The following ABL2 variants were observed in gnomAD, a reference collection of about 807,000 sequenced individuals.
ABL2 encodes the protein tyrosine-protein kinase ABL2.
A neutral mutation model predicts 107.7 loss-of-function variants in ABL2; 49 were observed. That is an observed-to-expected ratio of 0.45 (90% CI 0.36 to 0.58). The LOEUF (loss-of-function observed/expected upper bound fraction) is 0.58. Among genes scored for constraint, ABL2 ranks in the 20% least tolerant of loss-of-function variants. The pLI is 0.00. For synonymous variants in ABL2, 549 were observed against 548.6 expected (o/e 1.00, Z -0.01); for missense variants, 1,245 against 1,457.0 (o/e 0.85, Z 2.37).
At chr1:179,136,696 G>GA (rs1657027166) in intron 1 of ABL2, among the ~76,000 whole-genome samples, 1 of 111,552 alleles carries the variant, frequency 9.0e-6, no homozygotes, top group African/African-American at 2.9e-5. Flanking sequence ...AAACACCCAA[G>GA]AATGATCAAT....
intron 1 of ABL2, chr1:179,220,948 C>G (rs1646223807): frequency 5.3e-6 from 1 of 188,304 alleles, no homozygotes; most frequent in Admixed American, 5.5e-5. Flanking sequence ...CTCAGCCTTC[C>G]CCACTACAAT....
chr1:179,222,596 G>T (rs1412158260), intron 1 of ABL2, among the ~76,000 whole-genome samples: 2 of 151,896 alleles, frequency 1.3e-5, no homozygotes, highest in Non-Finnish European at 2.9e-5. Context: ...TCACCATGTT[G>T]GCCAGGATGG....
intron 1 of ABL2, among the ~76,000 whole-genome samples, chr1:179,172,342 G>A (rs115971838): frequency 1.6e-3 from 250 of 152,162 alleles, no homozygotes; most frequent in African/African-American, 5.3e-3. Flanking sequence ...ATACACATAC[G>A]CAAATGTGTA....
At chr1:179,184,182 C>T in intron 1 of ABL2, 1 of 448,612 alleles carries the variant, frequency 2.2e-6, no homozygotes, top group Non-Finnish European at 4.2e-6. Context: ...CAAAGACGCA[C>T]TGCATTATCT....
intron 3 of ABL2, among the ~76,000 whole-genome samples, chr1:179,130,343 T>A (rs1222706339): frequency 6.6e-6 from 1 of 152,252 alleles, no homozygotes; most frequent in Admixed American, 6.5e-5. Context: ...GGACTGTTCA[T>A]TCATTACTAG....
chr1:179,197,654 A>T (rs951462233), intron 1 of ABL2, among the ~76,000 whole-genome samples: 1 of 151,860 alleles, frequency 6.6e-6, no homozygotes, highest in Non-Finnish European at 1.5e-5. Flanking sequence ...GGATCACCTG[A>T]GGTCAGGAGT....
chr1:179,190,671 A>T (rs964408611), intron 1 of ABL2, among the ~76,000 whole-genome samples: 4 of 152,102 alleles, frequency 2.6e-5, no homozygotes, highest in African/African-American at 9.7e-5. Flanking sequence ...GCCTCTCCTC[A>T]GTCTTTCAGG....
At chr1:179,216,116 T>C (rs1450251405) in intron 1 of ABL2, among the ~76,000 whole-genome samples, 1 of 152,122 alleles carries the variant, frequency 6.6e-6, no homozygotes, top group Admixed American at 6.5e-5. Context: ...TTCTGCTGGA[T>C]CAAAAGCCAA....
intron 1 of ABL2, among the ~76,000 whole-genome samples, chr1:179,156,058 G>A (rs1253966454): frequency 6.6e-6 from 1 of 152,140 alleles, no homozygotes; most frequent in Non-Finnish European, 1.5e-5. Context: ...CTGTACTGTA[G>A]ATAATGTACT....
intron 1 of ABL2, among the ~76,000 whole-genome samples, chr1:179,191,413 C>CTTTTTTTTTTTTT (rs35362624): frequency 1.3e-5 from 1 of 77,168 alleles, no homozygotes; most frequent in African/African-American, 5.2e-5. Flanking sequence ...TATGAAATCC[C>CTTTTTTTTTTTTT]TTTTTTTTTT....
chr1:179,152,888 A>G (rs1323288022), intron 1 of ABL2, among the ~76,000 whole-genome samples: 1 of 152,238 alleles, frequency 6.6e-6, no homozygotes, highest in Non-Finnish European at 1.5e-5. Flanking sequence ...ATCTGGAAAT[A>G]AAGGATATCG....
At chr1:179,227,987 T>C (rs1189499963) in intron 1 of ABL2, among the ~76,000 whole-genome samples, 4 of 141,984 alleles carry the variant, frequency 2.8e-5, no homozygotes, top group Admixed American at 1.5e-4. Flanking sequence ...GAGGCAGAGG[T>C]TGCAGTGAGC....
At chr1:179,188,439 CAG>C (rs1458353357) in intron 1 of ABL2, among the ~76,000 whole-genome samples, 1 of 151,988 alleles carries the variant, frequency 6.6e-6, no homozygotes, top group Non-Finnish European at 1.5e-5. Context: ...CCCAGCTACT[CAG>C]GGGGCTGAGG....
At chr1:179,164,958 C>T (rs1463308067) in intron 1 of ABL2, among the ~76,000 whole-genome samples, 1 of 151,974 alleles carries the variant, frequency 6.6e-6, no homozygotes, top group African/African-American at 2.4e-5. Flanking sequence ...TTAGGTAAGG[C>T]AAGAGATGAA....
rs1307603969 is a variant in ABL2, at chr1:179,099,549, C to CT, written c.*8168dup. 8.8e-6 allele frequency: 2 copies of CT among 228,322 alleles called. No individual in the cohort carries two copies. The highest frequency in any genetic ancestry group is 4.4e-5 in the African/African-American group (2 of 45,176). 14.1% of individuals were successfully genotyped at this position (228,322 alleles called of 1,614,324 possible). A position where few individuals can be genotyped will look rare whatever the true frequency, so the allele number is the denominator to read the frequency against. ...AATTAAGAACAAATACCTGACAACA[C>CT]TGGTAATGTGACACACAATTGATGT... On this transcript the variant is annotated 3_prime_UTR_variant, in exon 12 of 12. Transcript: ENST00000502732.
intron 8 of ABL2, among the ~76,000 whole-genome samples, chr1:179,116,380 T>G (rs1271416644): frequency 1.3e-5 from 2 of 151,778 alleles, no homozygotes; most frequent in East Asian, 3.9e-4. Flanking sequence ...GTCTCAAAAA[T>G]AAAAACAAAA....
intron 1 of ABL2, chr1:179,143,024 G>A (rs762363090): frequency 3.7e-6 from 6 of 1,614,162 alleles, no homozygotes; most frequent in Non-Finnish European, 5.1e-6. Flanking sequence ...TAGGTGGAAG[G>A]AGAACTGTCC....
chr1:179,109,843 G>A (rs1234525928), intron 11 of ABL2, among the ~76,000 whole-genome samples: 1 of 151,912 alleles, frequency 6.6e-6, no homozygotes, highest in East Asian at 1.9e-4. Context: ...CAGGAGAATG[G>A]CGTGAACCCA....
chr1:179,119,139 G>A (rs1202420734), intron 6 of ABL2, among the ~76,000 whole-genome samples: 1 of 152,074 alleles, frequency 6.6e-6, no homozygotes, highest in African/African-American at 2.4e-5. Context: ...TAGCAATTGT[G>A]CACAAGCTGA....
Sources: gnomAD v4.1 joint callset for allele counts (sites outside exome capture counted in the v4.1 genomes callset) on GRCh38, gnomAD v4.1.1 for gene constraint, MANE v1.5 for transcripts, NCBI Gene and HGNC (gene_info 2026-07-23, HGNC 2026-07-21) for gene names.